MPC1: variants seen among roughly 807,000 people sequenced by gnomAD.
MPC1 encodes mitochondrial pyruvate carrier 1, also known as HSPC040 protein.
MPC1 carries 6 observed loss-of-function variants against 13.9 expected under a neutral mutation model. The observed-to-expected ratio is 0.43, with a 90% CI of 0.24 to 0.85. The LOEUF (loss-of-function observed/expected upper bound fraction) is 0.85. MPC1 is among the 40% of genes least tolerant of loss of function. MPC1 has a pLI of 0.24. For synonymous variants in MPC1, 47 were observed against 50.5 expected (o/e 0.93, Z 0.29); for missense variants, 115 against 143.3 (o/e 0.80, Z 1.01).
chr6:166,377,994 C>T (rs1244111111), intron 1 of MPC1, among the ~76,000 whole-genome samples: 1 of 152,208 alleles, frequency 6.6e-6, no homozygotes, highest in East Asian at 1.9e-4. Flanking sequence ...TTTTCAAAAC[C>T]ATTTCTATGC....
intron 2 of MPC1, chr6:166,368,690 A>G (rs1779263894): frequency 1.1e-6 from 1 of 916,216 alleles, no homozygotes; most frequent in Non-Finnish European, 1.3e-6. Context: ...TATTCCCCAG[A>G]CTTTTGTAAG....
At chr6:166,368,902 G>A (rs1178311845) in intron 2 of MPC1, 2 of 985,242 alleles carry the variant, frequency 2.0e-6, no homozygotes, top group Non-Finnish European at 2.4e-6. Flanking sequence ...GTATGGTGGT[G>A]TTGCTGTCTA....
At chr6:166,382,760 C>T (rs781449430) in intron 1 of MPC1, 46 bp downstream of exon 1, 6 of 1,535,986 alleles carry the variant, frequency 3.9e-6, no homozygotes, top group East Asian at 5.3e-5. Flanking sequence ...CGCAGCCTCC[C>T]GGGAGCCCCT....
intron 1 of MPC1, among the ~76,000 whole-genome samples, chr6:166,378,418 ATGTGTG>A (rs3049292): frequency 6.7e-6 from 1 of 149,866 alleles, no homozygotes; most frequent in East Asian, 2.0e-4. Context: ...ATACAAATAC[ATGTGTG>A]TGTGTGTGTG....
chr6:166,375,046 A>G (rs988026878), intron 1 of MPC1, among the ~76,000 whole-genome samples: 7 of 152,202 alleles, frequency 4.6e-5, no homozygotes, highest in African/African-American at 1.7e-4. Context: ...TCTCTTTGGC[A>G]TATTCAAAGT....
intron 1 of MPC1, among the ~76,000 whole-genome samples, chr6:166,372,907 G>A (rs1408497749): frequency 6.6e-6 from 1 of 152,038 alleles, no homozygotes; most frequent in African/African-American, 2.4e-5. Context: ...AGACTTTCTT[G>A]GGTTCACTTA....
At chr6:166,376,674 A>G (rs928969095) in intron 1 of MPC1, among the ~76,000 whole-genome samples, 2 of 152,140 alleles carry the variant, frequency 1.3e-5, no homozygotes, top group Non-Finnish European at 2.9e-5. Flanking sequence ...TAACCATTGC[A>G]TTTGTCTTTT....
chr6:166,368,879 ACTC>A, intron 2 of MPC1: 1 of 984,622 alleles, frequency 1.0e-6, no homozygotes, highest in South Asian at 4.7e-5. Context: ...CTCTCTTGCC[ACTC>A]CTCTGCACTG....
intron 1 of MPC1, among the ~76,000 whole-genome samples, chr6:166,370,934 C>T (rs1281300445): frequency 6.6e-6 from 1 of 152,142 alleles, no homozygotes; most frequent in Non-Finnish European, 1.5e-5. Flanking sequence ...ATTTTAATTT[C>T]AAAATGTAAT....
intron 3 of MPC1, among the ~76,000 whole-genome samples, chr6:166,366,353 G>C (rs1779155775): frequency 6.6e-6 from 1 of 152,184 alleles, no homozygotes; most frequent in Admixed American, 6.5e-5. Context: ...AGCAAGAGTA[G>C]GCTGAAATTT....
chr6:166,370,081 T>G (rs1362970741), intron 2 of MPC1, 137 bp downstream of exon 2: 1 of 746,180 alleles, frequency 1.3e-6, no homozygotes, highest in East Asian at 2.5e-5. Context: ...CAGGGTGCAG[T>G]AGGCACCCTT....
intron 1 of MPC1, among the ~76,000 whole-genome samples, chr6:166,375,632 T>A (rs1022351258): frequency 6.6e-5 from 10 of 152,164 alleles, no homozygotes; most frequent in African/African-American, 2.4e-4. Context: ...TATTAAAAAA[T>A]TTATCTTGAG....
At chr6:166,366,530 G>A (rs1779162333) in intron 3 of MPC1, among the ~76,000 whole-genome samples, 1 of 152,160 alleles carries the variant, frequency 6.6e-6, no homozygotes, top group Non-Finnish European at 1.5e-5. Flanking sequence ...TCATTAAAGT[G>A]ACTATTAGAA....
At chr6:166,380,939 C>CAAAAA (rs1175434820) in intron 1 of MPC1, among the ~76,000 whole-genome samples, 2,580 of 43,100 alleles carry the variant, frequency 0.06, no homozygotes, top group Non-Finnish European at 0.1. Context: ...AACTCTGTCT[C>CAAAAA]AAAAAAAAAA....
intron 2 of MPC1, chr6:166,367,304 CT>C: frequency 2.1e-6 from 1 of 487,538 alleles, no homozygotes; most frequent in Non-Finnish European, 2.7e-6. Flanking sequence ...ATCCACACTC[CT>C]TTTCCCAAAT....
In MPC1 at chr6:166,382,837, G is replaced by T. The variant is rs11557065; in HGVS notation, c.40C>A (p.Arg14=). ...ALVRKAADYV[R]SKDFRDYLMS... ...AGGTAGTCCCGGAAATCCTTGCTTC[G>T]GACATAGTCCGCCGCTTTCCGCACC... Residue 14 remains arginine, a synonymous_variant, in exon 1 of 5, where the codon CGA becomes AGA. Transcript: ENST00000360961. 1.2e-5 allele frequency: 19 copies of T among 1,597,514 alleles called. No individual in the cohort carries two copies. The highest frequency in any genetic ancestry group is 1.5e-5 in the Non-Finnish European group (18 of 1,173,702).
In MPC1 at chr6:166,365,186, A is replaced by C; in HGVS notation, c.*243T>G. ...TATTACTGCAGATAAAACCATCATC[A>C]GAAATTATTAAATTAATTGCATATT... On this transcript the variant is annotated 3_prime_UTR_variant, in exon 5 of 5. Coordinates refer to ENST00000360961, the MANE Select transcript of MPC1 (RefSeq NM_016098.4). This position sits in a 1 kb window ranked among gnomAD's most constrained non-coding sequence, Gnocchi z 4.2. The C allele has an allele frequency of 2.7e-6, 1 of 370,826 alleles. No homozygotes were observed. Among genetic ancestry groups the C allele is most frequent in the Non-Finnish European group, 4.8e-6 (1 of 209,284 alleles). The allele number at this position is 370,826 out of a possible 1,614,324, so 23.0% of individuals were successfully genotyped here.
chr6:166,382,854 T>C lies in MPC1; in HGVS notation c.23A>G (p.Lys8Arg). 6.3e-7 allele frequency: 1 copy of C among 1,596,804 alleles called. No homozygotes were observed. The highest frequency in any genetic ancestry group is 8.5e-7 in the Non-Finnish European group (1 of 1,173,486). Residue 8 changes from lysine to arginine, a missense_variant, in exon 1 of 5, where the codon AAA (lysine) becomes AGA (arginine). This residue lies in a region of MPC1 where 41 missense variants were observed against 34.2 expected (regional missense o/e 1.20). Transcript: ENST00000360961. Reference sequence around the variant, plus strand: ...CTTGCTTCGGACATAGTCCGCCGCTTTCCGCACCAACGCGCCCGCCATGGC... The same window carrying C: ...CTTGCTTCGGACATAGTCCGCCGCTCTCCGCACCAACGCGCCCGCCATGGC... MAGALVR[K>R]AADYVRSKDF...
chr6:166,381,973 G>C (rs1484856450), intron 1 of MPC1, among the ~76,000 whole-genome samples: 1 of 152,210 alleles, frequency 6.6e-6, no homozygotes, highest in Non-Finnish European at 1.5e-5. Context: ...GCGCCGCGCC[G>C]CGCTCTCAGC....
Sources: allele counts gnomAD v4.1 joint callset (sites outside exome capture counted in the v4.1 genomes callset), GRCh38; gene constraint gnomAD v4.1.1; regional missense constraint gnomAD v4.1.1; non-coding constraint Gnocchi (gnomAD v3.1); transcripts MANE v1.5; gene names NCBI Gene and HGNC (gene_info 2026-07-23, HGNC 2026-07-21).